MAK: variants seen among roughly 807,000 people sequenced by gnomAD.
MAK encodes the protein serine/threonine-protein kinase MAK.
In MAK, 65 loss-of-function variants were observed where a neutral mutation model predicts 82.6. The ratio of observed to expected loss-of-function variants is 0.79; its 90% confidence interval spans 0.64 to 0.97. The LOEUF (loss-of-function observed/expected upper bound fraction) is 0.97, where lower values mean the gene tolerates loss of function less well. MAK is among the 50% of genes least tolerant of loss of function. The probability of loss-of-function intolerance (pLI) is 0.00; values close to 1 mark genes in which losing one functional copy is unlikely to be tolerated. For synonymous variants in MAK, 250 were observed against 274.2 expected, an observed-to-expected ratio of 0.91 and a Z score of 0.87; for missense variants, 703 against 780.2, an observed-to-expected ratio of 0.90 and a Z score of 1.18.
In MAK at chr6:10,791,617, G is replaced by T. The variant is rs565014787; in HGVS notation, c.1316+58C>A. ...GGGTCTACATGCATTTATATTTAAT[G>T]AGTAAAATAAAGTTAATGCATGGCA... On this transcript the variant is annotated intron_variant, in intron 10 of 14. Coordinates refer to ENST00000354489, the MANE Select transcript of MAK (RefSeq NM_001242957.3). 3.2e-5 allele frequency: 47 copies of T among 1,470,770 alleles called. 1 individual carries two copies. The Middle Eastern group carries it at 7.8e-4, about 24-fold the overall frequency. 91.1% of individuals were successfully genotyped at this position (1,470,770 alleles called of 1,614,324 possible).
intron 12 of MAK, 91 bp from the exon 13 acceptor site, chr6:10,773,199 A>G (rs748754985): frequency 1.5e-6 from 1 of 687,084 alleles, no homozygotes; most frequent in Non-Finnish European, 2.3e-6. Flanking sequence ...ATTAATGAAA[A>G]GATCCAGAAA....
At chr6:10,807,563 A>T (rs1157234591) in intron 6 of MAK, among the ~76,000 whole-genome samples, 1 of 149,120 alleles carries the variant, frequency 6.7e-6, no homozygotes, top group Non-Finnish European at 1.5e-5. Context: ...CTGGTCTCGA[A>T]CTCCTGGTCT....
intron 9 of MAK, among the ~76,000 whole-genome samples, chr6:10,794,042 G>GC (rs1775307113): frequency 6.6e-6 from 1 of 152,212 alleles, no homozygotes; most frequent in Non-Finnish European, 1.5e-5. Flanking sequence ...TATATGCAGA[G>GC]CCCTTAAGGG....
At chr6:10,790,346 G>A (rs1403653547) in intron 10 of MAK, among the ~76,000 whole-genome samples, 2 of 151,980 alleles carry the variant, frequency 1.3e-5, no homozygotes, top group Admixed American at 6.6e-5. Context: ...ATGCCAAATA[G>A]CTACTTGTAT....
chr6:10,796,136 G>A lies in MAK; in HGVS notation c.1005C>T (p.Pro335=), dbSNP rs763072144. ...PDIIDQVVGQ[P]QPKTSQQPLQ... ...GTGGCTGCTGGCTAGTTTTTGGCTG[G>A]GGTTGTCCAACAACCTGATCGATTA... Residue 335 remains proline (P), a synonymous_variant, in exon 9 of 15, where the codon CCC becomes CCT. Coordinates refer to ENST00000354489, the MANE Select transcript of MAK (RefSeq NM_001242957.3). 3 of 1,614,086 alleles carry A rather than the reference G, an allele frequency of 1.9e-6. No homozygotes were observed. The highest frequency in any genetic ancestry group is 2.5e-6 in the Non-Finnish European group (3 of 1,180,020).
intron 9 of MAK, among the ~76,000 whole-genome samples, chr6:10,794,961 C>G (rs1775393733): frequency 6.6e-6 from 1 of 151,790 alleles, no homozygotes. Flanking sequence ...CATTGCACTC[C>G]AGCCTGGGCA....
intron 10 of MAK, 94 bp from the exon 11 acceptor site, chr6:10,784,666 T>G: frequency 1.5e-6 from 1 of 662,736 alleles, no homozygotes; most frequent in Middle Eastern, 2.9e-4. Flanking sequence ...CACATCTTCC[T>G]AAGCCAGTCA....
At chr6:10,777,906 G>A (rs1401490068) in intron 11 of MAK, among the ~76,000 whole-genome samples, 2 of 152,138 alleles carry the variant, frequency 1.3e-5, no homozygotes, top group African/African-American at 4.8e-5. Flanking sequence ...CCAAAGTGCT[G>A]GGATTACAGG....
At chr6:10,779,688 A>T (rs1394883621) in intron 11 of MAK, among the ~76,000 whole-genome samples, 1 of 151,994 alleles carries the variant, frequency 6.6e-6, no homozygotes, top group Admixed American at 6.6e-5. Context: ...TCTTTTTTTA[A>T]ATTTTTTTAT....
At chr6:10,834,039 GTTGTT>G (rs945658192) in intron 1 of MAK, among the ~76,000 whole-genome samples, 27 of 152,020 alleles carry the variant, frequency 1.8e-4, no homozygotes, top group Non-Finnish European at 3.5e-4. Context: ...AATCTTTTGG[GTTGTT>G]TTGTTTTGTA....
chr6:10,801,932 A>G lies in MAK; in HGVS notation c.791T>C (p.Met264Thr), dbSNP rs1257643133. 6.2e-7 allele frequency: 1 copy of G among 1,614,156 alleles called. No individual in the cohort carries two copies. The highest frequency in any genetic ancestry group is 1.1e-5 in the South Asian group (1 of 91,084). ...TCGTTTCTTTGGATCCCAATTCAAC[A>G]TTTCGGTCATGAGCTGAATAGCTTC... Reference protein sequence around the residue: ...SNEAIQLMTEMLNWDPKKRPT... With the variant: ...SNEAIQLMTETLNWDPKKRPT... The change falls in exon 8 of 15, where the codon ATG becomes ACG. Residue 264 changes from methionine to threonine, a missense_variant. Physicochemically the swap from Met to Thr is moderately conservative, Grantham distance 81 (BLOSUM62 -1). Coordinates refer to ENST00000354489, the MANE Select transcript of MAK (RefSeq NM_001242957.3).
intron 1 of MAK, among the ~76,000 whole-genome samples, chr6:10,837,845 C>T (rs1779251874): frequency 6.6e-6 from 1 of 152,280 alleles, no homozygotes; most frequent in Non-Finnish European, 1.5e-5. Flanking sequence ...CAAACCAGGG[C>T]TCTTAAAAGG....
chr6:10,809,368 T>G (rs1776745435), intron 5 of MAK, among the ~76,000 whole-genome samples: 2 of 152,188 alleles, frequency 1.3e-5, no homozygotes, highest in African/African-American at 4.8e-5. Context: ...GAAGTGTTTT[T>G]GTTTTTAAGA....
rs573447939 is a variant in MAK, at chr6:10,776,572, C to T, written c.1466-1113G>A. On this transcript the variant is annotated intron_variant, in intron 11 of 14. Coordinates refer to ENST00000354489, the MANE Select transcript of MAK (RefSeq NM_001242957.3). The surrounding 1 kb of genome is among the most constrained non-coding windows in gnomAD (Gnocchi z 4.3). ...CACTGATTTAGGAAGTCAGAACTGTCTCCAGGCAGTTGAGCTTTTGCTTTC... is the reference window on the plus strand; with the variant it reads ...CACTGATTTAGGAAGTCAGAACTGTTTCCAGGCAGTTGAGCTTTTGCTTTC... Among the ~76,000 whole-genome samples, 1 of 152,252 alleles carries T rather than the reference C, an allele frequency of 6.6e-6. No individual in the cohort carries two copies. The highest frequency in any genetic ancestry group is 1.5e-5 in the Non-Finnish European group (1 of 68,024).
chr6:10,782,917 A>G (rs539289498), intron 11 of MAK, among the ~76,000 whole-genome samples: 1 of 152,234 alleles, frequency 6.6e-6, no homozygotes, highest in South Asian at 2.1e-4. Context: ...ATGTTTGCCT[A>G]AAAGGTACAC....
intron 10 of MAK, 80 bp from the exon 11 acceptor site, chr6:10,784,652 T>TCTGCACATCTCGCCCACCCA (rs2127533115): frequency 8.0e-7 from 1 of 1,255,170 alleles, no homozygotes. Flanking sequence ...TCGCCCACCC[T>TCTGCACATCTCGCCCACCCA]CTGCACATCT....
rs751459001 is a variant in MAK, at chr6:10,793,479, A to T, written c.1144-1632T>A. Among the ~76,000 whole-genome samples the T allele has an allele frequency of 6.6e-6, 1 of 152,230 alleles. No homozygotes were observed. The highest frequency in any genetic ancestry group is 1.9e-4 in the East Asian group (1 of 5,200). On this transcript the variant is annotated intron_variant, in intron 9 of 14. Coordinates refer to ENST00000354489, the MANE Select transcript of MAK (RefSeq NM_001242957.3). This position sits in a 1 kb window ranked among gnomAD's most constrained non-coding sequence, Gnocchi z 4.6. ...GGTAAACTGAGAAGAAAAAATACAG[A>T]TTCAAAAATAATTAGAAATTGAAGA...
rs1258848400 is a variant in MAK at position 10,785,050 on chromosome 6, C to T, written c.1317-478G>A. ...TTTCCCGTCACCCTAGTGTCAGGCA[C>T]AGAAAATAGGTATTTGTGGAGACAT... On this transcript the variant is annotated intron_variant, in intron 10 of 14. Coordinates refer to ENST00000354489, the MANE Select transcript of MAK (RefSeq NM_001242957.3). The T allele has an allele frequency of 1.6e-5, 7 of 435,530 alleles. No homozygotes were observed. In the East Asian group the frequency reaches 4.2e-4, roughly 26 times the overall value. 27.0% of individuals were successfully genotyped at this position (435,530 alleles called of 1,614,324 possible). A position where few individuals can be genotyped will look rare whatever the true frequency, so the allele number is the denominator to read the frequency against.
intron 4 of MAK, among the ~76,000 whole-genome samples, chr6:10,815,918 A>ATATATATATATATC (rs1777448938): frequency 3.9e-5 from 1 of 25,554 alleles, no homozygotes; most frequent in Non-Finnish European, 1.4e-4. Flanking sequence ...TACAGTATAT[A>ATATATATATATATC]TATATATATA....
Sources: allele counts gnomAD v4.1 joint callset (sites outside exome capture counted in the v4.1 genomes callset), GRCh38; gene constraint gnomAD v4.1.1; non-coding constraint Gnocchi (gnomAD v3.1); transcripts MANE v1.5; gene names NCBI Gene and HGNC (gene_info 2026-07-23, HGNC 2026-07-21).